SPTLC2: variants seen among roughly 807,000 people sequenced by gnomAD.
The protein encoded by SPTLC2 is serine palmitoyltransferase 2.
A neutral mutation model predicts 62.0 loss-of-function variants in SPTLC2; 21 were observed. The ratio of observed to expected loss-of-function variants is 0.34; its 90% CI spans 0.24 to 0.49. SPTLC2 has a LOEUF of 0.49. Ranked by LOEUF, SPTLC2 falls within the 20% of genes least tolerant of loss-of-function variation. The probability of loss-of-function intolerance (pLI) is 0.99; values close to 1 mark genes in which losing one functional copy is unlikely to be tolerated. For synonymous variants in SPTLC2, 261 were observed against 261.8 expected, an observed-to-expected ratio of 1.00 and a Z score of 0.03; for missense variants, 511 against 713.0, an observed-to-expected ratio of 0.72 and a Z score of 3.23.
At chr14:77,566,496 C>T (rs1313556317) in intron 5 of SPTLC2, among the ~76,000 whole-genome samples, 1 of 152,178 alleles carries the variant, frequency 6.6e-6, no homozygotes, top group Non-Finnish European at 1.5e-5. Context: ...AATAGCAATA[C>T]TAATTATTGC....
chr14:77,567,124 C>T (rs1338619586), intron 5 of SPTLC2, among the ~76,000 whole-genome samples: 1 of 152,090 alleles, frequency 6.6e-6, no homozygotes, highest in Non-Finnish European at 1.5e-5. Context: ...GCACCCGCCA[C>T]CACGCCCGGC....
chr14:77,565,271 A>C (rs1384144362), intron 5 of SPTLC2, among the ~76,000 whole-genome samples: 1 of 150,542 alleles, frequency 6.6e-6, no homozygotes, highest in Non-Finnish European at 1.5e-5. Flanking sequence ...AAAAAAAAGA[A>C]CACCAAGGTA....
At chr14:77,562,823 G>A (rs2079622317) in intron 5 of SPTLC2, among the ~76,000 whole-genome samples, 1 of 152,184 alleles carries the variant, frequency 6.6e-6, no homozygotes, top group Non-Finnish European at 1.5e-5. Context: ...TTACGTGAGA[G>A]AATTCCATGT....
At chr14:77,557,317 A>C (rs1246167099) in intron 6 of SPTLC2, 171 bp from the exon 7 acceptor site, 1 of 619,928 alleles carries the variant, frequency 1.6e-6, no homozygotes, top group Non-Finnish European at 2.8e-6. Flanking sequence ...TGCCACCTTG[A>C]ATTGAAATCC....
In SPTLC2 at chr14:77,562,461, T is replaced by A. The variant is rs2079620158; in HGVS notation, c.785A>T (p.Asn262Ile). 6.2e-7 allele frequency: 1 copy of A among 1,613,912 alleles called. No individual in the cohort carries two copies. ...KGCLILSDELNHASLVLGARL... is the reference protein window; with the variant it reads ...KGCLILSDELIHASLVLGARL... Reference sequence around the variant, plus strand: ...GGCTCCCAGAACCAGTGATGCATGATTCAGTTCATCACTCAGAATCAGGCA... The same window carrying A: ...GGCTCCCAGAACCAGTGATGCATGAATCAGTTCATCACTCAGAATCAGGCA... Residue 262 changes from asparagine to isoleucine, a missense_variant, in exon 6 of 12, where the codon AAT becomes ATT. Coordinates refer to ENST00000216484, the MANE Select transcript of SPTLC2 (RefSeq NM_004863.4).
chr14:77,581,756 A>AC (rs1312197111), intron 2 of SPTLC2, among the ~76,000 whole-genome samples: 7 of 152,132 alleles, frequency 4.6e-5, no homozygotes, highest in Non-Finnish European at 1.0e-4. Context: ...TTTCCTCAGG[A>AC]CAGAAAATAT....
intron 9 of SPTLC2, among the ~76,000 whole-genome samples, chr14:77,524,147 G>A (rs1339884496): frequency 6.6e-6 from 1 of 152,154 alleles, no homozygotes; most frequent in African/African-American, 2.4e-5. Flanking sequence ...AAAATATAAT[G>A]TTCATTGAAA....
chr14:77,512,881 A>G lies in SPTLC2; in HGVS notation c.1570-478T>C, dbSNP rs144007378. On this transcript the variant is annotated intron_variant, in intron 11 of 11. Coordinates refer to ENST00000216484, the MANE Select transcript of SPTLC2 (RefSeq NM_004863.4). ...CAGGTGCCCGCCATCATGCTCAGCTAATTTTTGTATTTTTAGTAGAGATGG... is the reference window on the plus strand; with the variant it reads ...CAGGTGCCCGCCATCATGCTCAGCTGATTTTTGTATTTTTAGTAGAGATGG... Among the ~76,000 whole-genome samples, 1,077 of 151,964 alleles carry G rather than the reference A, an allele frequency of 7.1e-3. 7 individuals are homozygous for G. The highest frequency in any genetic ancestry group is 0.025 in the African/African-American group (1,025 of 41,462).
At chr14:77,537,490 AC>A (rs1292190090) in intron 9 of SPTLC2, among the ~76,000 whole-genome samples, 3 of 152,224 alleles carry the variant, frequency 2.0e-5, no homozygotes, top group African/African-American at 7.2e-5. Flanking sequence ...TCCCCCAAGA[AC>A]ACTGAGCAGA....
intron 9 of SPTLC2, chr14:77,547,549 G>A (rs1269200930): frequency 6.6e-6 from 1 of 152,064 alleles, no homozygotes; most frequent in African/African-American, 2.4e-5. Flanking sequence ...ATGTTTTTTT[G>A]TTTTGTTTTG....
chr14:77,575,272 T>C (rs2079708298), intron 4 of SPTLC2, among the ~76,000 whole-genome samples: 2 of 152,230 alleles, frequency 1.3e-5, no homozygotes, highest in Admixed American at 1.3e-4. Flanking sequence ...AATAAATAGA[T>C]ATAAAAATCT....
rs552632600 is a variant in SPTLC2, at chr14:77,614,173, G to C, written c.132+2275C>G. 1.1e-4 allele frequency among the ~76,000 whole-genome samples: 17 copies of C among 152,228 alleles called. No individual in the cohort carries two copies. In the South Asian group the frequency reaches 3.1e-3, roughly 28 times the overall value. ...TTTTAAAATGTCATGTTAGTACCTT[G>C]ATATTTCTTCACCTTATTAGTTGGC... On this transcript the variant is annotated intron_variant, in intron 1 of 11. Coordinates refer to ENST00000216484, the MANE Select transcript of SPTLC2 (RefSeq NM_004863.4).
chr14:77,584,134 C>T (rs1229513049), intron 2 of SPTLC2, among the ~76,000 whole-genome samples: 1 of 152,142 alleles, frequency 6.6e-6, no homozygotes, highest in Admixed American at 6.5e-5. Context: ...CAATAAATAT[C>T]CTTTACTGGT....
chr14:77,592,787 A>G (rs1350066939), intron 2 of SPTLC2, among the ~76,000 whole-genome samples: 1 of 151,956 alleles, frequency 6.6e-6, no homozygotes, highest in Non-Finnish European at 1.5e-5. Context: ...CTTTGTATCC[A>G]TATGTTCTCA....
At chr14:77,549,885 G>A (rs1156751208) in intron 9 of SPTLC2, among the ~76,000 whole-genome samples, 1 of 152,128 alleles carries the variant, frequency 6.6e-6, no homozygotes, top group Admixed American at 6.6e-5. Context: ...TCTGGAACAG[G>A]GCAAATAAAT....
rs1260180267 is a variant in SPTLC2, at chr14:77,576,845, T to C, written c.553A>G (p.Thr185Ala). 3 of 1,614,084 alleles carry C rather than the reference T, an allele frequency of 1.9e-6. No individual in the cohort carries two copies. The African/African-American group carries it at 4.0e-5, about 22-fold the overall frequency. ...GCGGCTGCTTCTTGACATGATCCAG[T>C]ATTCCGTGCAAATCCAAGATAGTTG... ...SYNYLGFARN[T>A]GSCQEAAAKV... The change falls in exon 4 of 12, where the codon ACT becomes GCT. Residue 185 changes from threonine to alanine, a missense_variant. Coordinates refer to ENST00000216484, the MANE Select transcript of SPTLC2 (RefSeq NM_004863.4).
chr14:77,552,885 T>C (rs1186063803), intron 8 of SPTLC2, among the ~76,000 whole-genome samples: 1 of 151,502 alleles, frequency 6.6e-6, no homozygotes, highest in African/African-American at 2.4e-5. Flanking sequence ...TTTTTAGATA[T>C]AATGATTTAA....
chr14:77,559,556 A>AG (rs1772821639), intron 6 of SPTLC2, among the ~76,000 whole-genome samples: 3 of 152,172 alleles, frequency 2.0e-5, no homozygotes, highest in Admixed American at 2.0e-4. Context: ...CATTTTCATG[A>AG]GTCTGTACAG....
At chr14:77,520,117 T>C (rs1033783255) in intron 10 of SPTLC2, among the ~76,000 whole-genome samples, 1 of 138,864 alleles carries the variant, frequency 7.2e-6, no homozygotes, top group Non-Finnish European at 1.5e-5. Flanking sequence ...GTTGCACCTA[T>C]GTAGAATAAA....
Sources: gnomAD v4.1 joint callset for allele counts (sites outside exome capture counted in the v4.1 genomes callset) on GRCh38, gnomAD v4.1.1 for gene constraint, MANE v1.5 for transcripts, NCBI Gene and HGNC (gene_info 2026-07-23, HGNC 2026-07-21) for gene names.